Variants in EIF4G3 observed in about 807,000 individuals in gnomAD.
EIF4G3 encodes eIF-4-gamma 3.
In EIF4G3, 34 loss-of-function variants were observed where a neutral mutation model predicts 186.4. The ratio of observed to expected loss-of-function variants is 0.18; its 90% CI spans 0.14 to 0.24. The LOEUF (loss-of-function observed/expected upper bound fraction) is 0.24, where lower values mean the gene tolerates loss of function less well. Among genes scored for constraint, EIF4G3 ranks in the 10% least tolerant of loss-of-function variants. The probability of loss-of-function intolerance (pLI) is 1.00; values close to 1 mark genes in which losing one functional copy is unlikely to be tolerated. For missense variants in EIF4G3, 1,536 were observed against 1,948.5 expected, an observed-to-expected ratio of 0.79 and a Z score of 3.99; for synonymous variants, 673 against 679.5, an observed-to-expected ratio of 0.99 and a Z score of 0.15.
intron 7 of EIF4G3, among the ~76,000 whole-genome samples, chr1:20,987,597 T>C (rs892947181): frequency 9.2e-5 from 14 of 152,204 alleles, no homozygotes; most frequent in African/African-American, 3.1e-4. Flanking sequence ...TATGTTATCA[T>C]TGTAACTGGG....
At chr1:21,137,880 A>G (rs753713828) in intron 2 of EIF4G3, among the ~76,000 whole-genome samples, 3 of 152,040 alleles carry the variant, frequency 2.0e-5, no homozygotes, top group South Asian at 4.1e-4. Context: ...ATAATTAACT[A>G]AAGTAATCCA....
chr1:20,871,667 T>C (rs1023145994), intron 20 of EIF4G3, among the ~76,000 whole-genome samples: 2 of 152,194 alleles, frequency 1.3e-5, no homozygotes, highest in Admixed American at 6.5e-5. Context: ...AACATTAGCA[T>C]AGTAAACAGG....
At chr1:20,909,764 T>C (rs2092882065) in intron 14 of EIF4G3, among the ~76,000 whole-genome samples, 1 of 151,604 alleles carries the variant, frequency 6.6e-6, no homozygotes, top group Non-Finnish European at 1.5e-5. Flanking sequence ...AATTCTTATA[T>C]AGTCAATCTG....
intron 4 of EIF4G3, among the ~76,000 whole-genome samples, chr1:21,018,193 G>C (rs1053233203): frequency 2.0e-5 from 3 of 152,062 alleles, no homozygotes; most frequent in African/African-American, 7.3e-5. Flanking sequence ...CAATGCCCCT[G>C]TACTGACATC....
intron 34 of EIF4G3, among the ~76,000 whole-genome samples, chr1:20,814,289 T>A (rs567847622): frequency 6.6e-6 from 1 of 152,268 alleles, no homozygotes; most frequent in East Asian, 1.9e-4. Flanking sequence ...TTTTTGCACA[T>A]TCTTGCTAAA....
intron 3 of EIF4G3, among the ~76,000 whole-genome samples, chr1:21,054,784 T>TA (rs879692389): frequency 1.4e-3 from 209 of 152,298 alleles, no homozygotes; most frequent in Non-Finnish European, 2.5e-3. Flanking sequence ...TAAACAGATA[T>TA]AAACATCTTC....
chr1:20,863,766 AAAG>A (rs1384235794), intron 22 of EIF4G3, among the ~76,000 whole-genome samples: 3 of 106,814 alleles, frequency 2.8e-5, no homozygotes, highest in African/African-American at 6.0e-5. Flanking sequence ...TAAAAAAAAA[AAAG>A]AGAGAGAGAG....
intron 2 of EIF4G3, among the ~76,000 whole-genome samples, chr1:21,124,665 T>A (rs1386764747): frequency 4.6e-5 from 7 of 152,226 alleles, no homozygotes; most frequent in Non-Finnish European, 1.5e-5. Context: ...GCTGGTTTTT[T>A]AATTTTTCTG....
intron 19 of EIF4G3, among the ~76,000 whole-genome samples, chr1:20,880,022 T>TA (rs796748437): frequency 0.013 from 1,866 of 139,444 alleles, 43 homozygotes; most frequent in African/African-American, 0.042. Context: ...GTAAAAACTC[T>TA]AAAAAAAAAA....
chr1:21,154,627 C>T (rs184250923), intron 2 of EIF4G3, among the ~76,000 whole-genome samples: 41 of 152,274 alleles, frequency 2.7e-4, no homozygotes, highest in African/African-American at 8.9e-4. Context: ...GCATATCCAA[C>T]GGTTCATCTG....
At chr1:20,953,064 T>G (rs1196119526) in intron 12 of EIF4G3, among the ~76,000 whole-genome samples, 1 of 152,224 alleles carries the variant, frequency 6.6e-6, no homozygotes, top group Non-Finnish European at 1.5e-5. Context: ...TAAGAATATA[T>G]TTAAGGAATT....
chr1:21,141,738 G>T (rs2097343273), intron 2 of EIF4G3, among the ~76,000 whole-genome samples: 1 of 152,028 alleles, frequency 6.6e-6, no homozygotes, highest in South Asian at 2.1e-4. Context: ...AGACTAGCCT[G>T]GACAACATAG....
At chr1:20,898,174 C>T (rs942259912) in intron 16 of EIF4G3, among the ~76,000 whole-genome samples, 3 of 151,730 alleles carry the variant, frequency 2.0e-5, no homozygotes, top group Non-Finnish European at 2.9e-5. Context: ...TTTCATAAAG[C>T]CCATTAACAG....
chr1:21,139,383 A>G (rs936897598), intron 2 of EIF4G3, among the ~76,000 whole-genome samples: 2 of 152,104 alleles, frequency 1.3e-5, no homozygotes, highest in Non-Finnish European at 2.9e-5. Flanking sequence ...TGAGGCCACG[A>G]GTTTGAGGCA....
chr1:21,053,834 C>G (rs761649404), intron 3 of EIF4G3, among the ~76,000 whole-genome samples: 2 of 144,200 alleles, frequency 1.4e-5, no homozygotes, highest in Admixed American at 1.4e-4. Context: ...CCGCCCCATC[C>G]GGGAGGGAGG....
intron 2 of EIF4G3, chr1:21,111,280 A>G (rs1333226688): frequency 4.2e-6 from 2 of 471,034 alleles, no homozygotes; most frequent in Admixed American, 4.7e-5. Flanking sequence ...AAGCTGGAAA[A>G]GACAAAAATT....
intron 20 of EIF4G3, among the ~76,000 whole-genome samples, chr1:20,866,463 A>C (rs916067810): frequency 1.3e-5 from 2 of 152,198 alleles, no homozygotes; most frequent in Non-Finnish European, 2.9e-5. Flanking sequence ...ATTTTCAGAT[A>C]ATTTTTTAGA....
chr1:20,878,904 A>T (rs769543198), intron 20 of EIF4G3, among the ~76,000 whole-genome samples: 3 of 152,232 alleles, frequency 2.0e-5, no homozygotes, highest in African/African-American at 4.8e-5. Flanking sequence ...TTTTGACTAC[A>T]GAACAACTAT....
chr1:20,984,724 G>C (rs1208312148), intron 7 of EIF4G3, among the ~76,000 whole-genome samples: 1 of 151,660 alleles, frequency 6.6e-6, no homozygotes, highest in East Asian at 1.9e-4. Flanking sequence ...TGAGTAGCTG[G>C]GACTACAGCC....
Sources: gnomAD v4.1 joint callset for allele counts (sites outside exome capture counted in the v4.1 genomes callset) on GRCh38, gnomAD v4.1.1 for gene constraint, MANE v1.5 for transcripts, NCBI Gene and HGNC (gene_info 2026-07-23, HGNC 2026-07-21) for gene names.